Variants in ZNF525 observed in about 807,000 individuals in gnomAD.
ZNF525 encodes the protein zinc finger protein 525.
A neutral mutation model predicts 37.6 loss-of-function variants in ZNF525; 33 were observed. The ratio of observed to expected loss-of-function variants is 0.88; its 90% confidence interval spans 0.67 to 1.17. The LOEUF is 1.17. ZNF525 is among the 50% of genes most tolerant of loss of function. The probability of loss-of-function intolerance (pLI) is 0.00; values close to 1 mark genes in which losing one functional copy is unlikely to be tolerated. For synonymous variants in ZNF525, 170 were observed against 182.3 expected (o/e 0.93, Z 0.54); for missense variants, 449 against 543.1 (o/e 0.83, Z 1.72).
At position 53,382,760 on chromosome 19, in the gene ZNF525, A is replaced by G; in HGVS notation, c.*741A>G. ...GTGTGATAAATGTGACAAATTTTTC[A>G]GACATCGTTCATACCTTGCAGTTCA... On this transcript the variant is annotated 3_prime_UTR_variant, in exon 4 of 4. Coordinates refer to ENST00000474037, the MANE Select transcript of ZNF525 (RefSeq NM_001348156.2). 1 of 924,046 alleles carries G rather than the reference A, an allele frequency of 1.1e-6. No individual in the cohort carries two copies. Among genetic ancestry groups the G allele is most frequent in the Non-Finnish European group, 1.7e-6 (1 of 576,772 alleles). The allele number at this position is 924,046 out of a possible 1,614,324, so 57.2% of individuals were successfully genotyped here.
intron 2 of ZNF525, among the ~76,000 whole-genome samples, chr19:53,372,694 A>G (rs1246607934): frequency 1.3e-5 from 2 of 152,218 alleles, no homozygotes; most frequent in Non-Finnish European, 2.9e-5. Flanking sequence ...GGTAAATTCC[A>G]GAAAAGGAGA....
rs2085588230 is a variant in ZNF525, at chr19:53,384,101, G to T, written c.*2082G>T. 6.5e-6 allele frequency: 3 copies of T among 458,584 alleles called. No homozygotes were observed. In the East Asian group the frequency reaches 1.8e-4, roughly 27 times the overall value. 28.4% of individuals were successfully genotyped at this position (458,584 alleles called of 1,614,324 possible). A position where few individuals can be genotyped will look rare whatever the true frequency, so the allele number is the denominator to read the frequency against. ...TGAATATAGCAAACCATCAAGCATT[G>T]ATTGACATTAGAGTCAGTTCAGCAT... On this transcript the variant is annotated 3_prime_UTR_variant, in exon 4 of 4. Coordinates refer to ENST00000474037, the MANE Select transcript of ZNF525 (RefSeq NM_001348156.2).
At chr19:53,371,818 T>A (rs569197570) in intron 1 of ZNF525, among the ~76,000 whole-genome samples, 1 of 152,088 alleles carries the variant, frequency 6.6e-6, no homozygotes. Flanking sequence ...TGGCTAAGTT[T>A]TTATATTTTT....
chr19:53,383,076 A>C lies in ZNF525; in HGVS notation c.*1057A>C. 7.1e-7 allele frequency: 1 copy of C among 1,411,800 alleles called. No homozygotes were observed. The highest frequency in any genetic ancestry group is 9.9e-7 in the Non-Finnish European group (1 of 1,008,406). 87.5% of individuals were successfully genotyped at this position (1,411,800 alleles called of 1,614,324 possible). A position where few individuals can be genotyped will look rare whatever the true frequency, so the allele number is the denominator to read the frequency against. The stretch of plus-strand genomic sequence containing the variant: ...ACTGGAGAGAACGCTTGCAAGTGTA[A>C]TAAATGTGGCGAGGTTTTTAATCAA... On this transcript the variant is annotated 3_prime_UTR_variant, in exon 4 of 4. Transcript: ENST00000474037.
chr19:53,369,393 A>AT lies in ZNF525; in HGVS notation c.-67-2816dup, dbSNP rs2085469343. On this transcript the variant is annotated intron_variant, in intron 1 of 3. Transcript: ENST00000474037. ...AGGCACCCACCACCATGCCCAGCTA[A>AT]TTTTTTGTATTTTTAGTAGAGACGG... Among the ~76,000 whole-genome samples, 3 of 150,374 alleles carry AT rather than the reference A, an allele frequency of 2.0e-5. No individual in the cohort carries two copies. The South Asian group carries it at 6.3e-4, about 32-fold the overall frequency.
chr19:53,382,657 T>C lies in ZNF525; in HGVS notation c.*638T>C, dbSNP rs1244037715. On this transcript the variant is annotated 3_prime_UTR_variant, in exon 4 of 4. Transcript: ENST00000474037. ...GCAGAGGGAAACTTTACAAATGTAA[T>C]GATTGTCACCACGTCTTCAGTAATG... 8.4e-6 allele frequency: 6 copies of C among 718,560 alleles called. No homozygotes were observed. Among genetic ancestry groups the C allele is most frequent in the Admixed American group, 3.7e-5 (2 of 53,406 alleles). The allele number at this position is 718,560 out of a possible 1,614,324, so 44.5% of individuals were successfully genotyped here. A position where few individuals can be genotyped will look rare whatever the true frequency, so the allele number is the denominator to read the frequency against.
Position 53,381,597 on chromosome 19 carries a change from T to C in ZNF525, c.1018T>C (p.Ser340Pro), listed in dbSNP as rs777974033. ...GTGTGGCAAGACCTTTAGTCAGAAGTCATACCTTGCATGCCATCGTAGCAT... is the reference window on the plus strand; with the variant it reads ...GTGTGGCAAGACCTTTAGTCAGAAGCCATACCTTGCATGCCATCGTAGCAT... Reference protein sequence around the residue: ...NECGKTFSQKSYLACHRSIHT... With the variant: ...NECGKTFSQKPYLACHRSIHT... The change falls in exon 4 of 4, where the codon TCA becomes CCA. Residue 340 changes from serine (S) to proline (P), a missense_variant. Transcript: ENST00000474037. 5 of 1,118,808 alleles carry C rather than the reference T, an allele frequency of 4.5e-6. No homozygotes were observed. The highest frequency in any genetic ancestry group is 1.7e-5 in the Admixed American group (1 of 59,400). 69.3% of individuals were successfully genotyped at this position (1,118,808 alleles called of 1,614,324 possible). A position where few individuals can be genotyped will look rare whatever the true frequency, so the allele number is the denominator to read the frequency against.
Position 53,381,872 on chromosome 19 carries a change from A to G in ZNF525, c.1293A>G (p.Arg431=). 9.9e-7 allele frequency: 1 copy of G among 1,014,082 alleles called. No individual in the cohort carries two copies. Among genetic ancestry groups the G allele is most frequent in the Non-Finnish European group, 1.6e-6 (1 of 631,658 alleles). The allele number at this position is 1,014,082 out of a possible 1,614,324, so 62.8% of individuals were successfully genotyped here. The change falls in exon 4 of 4, where the codon AGA becomes AGG. Residue 431 remains arginine (R), a synonymous_variant. Transcript: ENST00000474037. ...AATCAAGTCTTGAAAGACATAGGAG[A>G]ATTCATAATGGAGAGAAACTGTACA... is the stretch of plus-strand genomic sequence containing the variant. ...RFKSSLERHR[R]IHNGEKLYKC... is the part of the protein sequence containing the mutation.
intron 1 of ZNF525, among the ~76,000 whole-genome samples, chr19:53,369,758 G>GCT (rs2085472639): frequency 3.7e-5 from 4 of 107,066 alleles, no homozygotes; most frequent in South Asian, 3.1e-4. Flanking sequence ...ACGGAGTCTC[G>GCT]CTGTCACCCA....
chr19:53,366,786 G>C (rs562427334), intron 1 of ZNF525, among the ~76,000 whole-genome samples: 4 of 131,560 alleles, frequency 3.0e-5, no homozygotes, highest in African/African-American at 1.2e-4. Flanking sequence ...TGGGGTGCCA[G>C]AGAGTGGGGA....
chr19:53,382,669 C>T lies in ZNF525; in HGVS notation c.*650C>T, dbSNP rs144525056. ...TTTACAAATGTAATGATTGTCACCA[C>T]GTCTTCAGTAATGCTACAACTATTG... On this transcript the variant is annotated 3_prime_UTR_variant, in exon 4 of 4. Coordinates refer to ENST00000474037, the MANE Select transcript of ZNF525 (RefSeq NM_001348156.2). 337 of 724,654 alleles carry T rather than the reference C, an allele frequency of 4.7e-4. No individual in the cohort carries two copies. Among genetic ancestry groups the T allele is most frequent in the East Asian group, 2.5e-3 (90 of 36,182 alleles). The allele number at this position is 724,654 out of a possible 1,614,324, so 44.9% of individuals were successfully genotyped here.
At chr19:53,369,959 C>G (rs60842410) in intron 1 of ZNF525, among the ~76,000 whole-genome samples, 9 of 147,626 alleles carry the variant, frequency 6.1e-5, no homozygotes, top group Admixed American at 6.7e-5. Context: ...CTCCTGACCT[C>G]GTGATCCGCC....
In ZNF525 at chr19:53,381,189, C is replaced by T. The variant is rs1319002293; in HGVS notation, c.610C>T (p.Gln204Ter). ...DNFLNYSLLT[Q>*]RQEVRMREKS... ...TTTTCTGAATTATTCATTACTCACA[C>T]AAAGACAGGAAGTACGCATGAGAGA... The change falls in exon 4 of 4, where the codon CAA (glutamine) becomes TAA (stop). Residue 204 changes from glutamine to a stop codon, truncating the protein, a stop_gained. Transcript: ENST00000474037. LOFTEE classifies it high-confidence loss of function. 2.2e-6 allele frequency: 3 copies of T among 1,354,236 alleles called. No individual in the cohort carries two copies. The highest frequency in any genetic ancestry group is 3.2e-6 in the Non-Finnish European group (3 of 943,324). The allele number at this position is 1,354,236 out of a possible 1,614,324, so 83.9% of individuals were successfully genotyped here.
rs1032628788 is a variant in ZNF525, at chr19:53,378,379, C to T, written c.143-2343C>T. ...GGCTGAGGAAGGAGAATCTTGAACC[C>T]GGGAGGTGGAGGTTGTAGTGAGCCA... is the stretch of plus-strand genomic sequence containing the variant. On this transcript the variant is annotated intron_variant, in intron 3 of 3. Coordinates refer to ENST00000474037, the MANE Select transcript of ZNF525 (RefSeq NM_001348156.2). Among the ~76,000 whole-genome samples, 38 of 152,010 alleles carry T rather than the reference C, an allele frequency of 2.5e-4. 1 individual carries two copies. The highest frequency in any genetic ancestry group is 3.4e-4 in the Non-Finnish European group (23 of 68,008).
In ZNF525 at chr19:53,375,797, A is replaced by G. The variant is rs773686334; in HGVS notation, c.43A>G (p.Ile15Val). 16 of 1,613,844 alleles carry G rather than the reference A, an allele frequency of 9.9e-6. No homozygotes were observed. The South Asian group carries it at 1.5e-4, about 16-fold the overall frequency. ...QGLLTFRDVA[I>V]EFSQEEWKCL... ...TCTATTGACATTCAGGGATGTGGCCATAGAATTCTCTCAGGAGGAGTGGAA... is the reference window on the plus strand; with the variant it reads ...TCTATTGACATTCAGGGATGTGGCCGTAGAATTCTCTCAGGAGGAGTGGAA... Residue 15 changes from isoleucine to valine, a missense_variant, in exon 3 of 4, where the codon ATA becomes GTA. Around this residue, in one of 2 missense-constraint regions of ZNF525, gnomAD observed 271 missense variants for 381.6 expected, o/e 0.71. Transcript: ENST00000474037.
rs537096418 is a variant in ZNF525, at chr19:53,367,255, ACTT to A, written c.-68+1500_-68+1502del. On this transcript the variant is annotated intron_variant, in intron 1 of 3. Coordinates refer to ENST00000474037, the MANE Select transcript of ZNF525 (RefSeq NM_001348156.2). The stretch of plus-strand genomic sequence containing the variant: ...AAGTGAGCTTGCTAGGCAGAGGAAA[ACTT>A]CTTTTCTTTTTAACCCTTGCCTTGC... Among the ~76,000 whole-genome samples the A allele has an allele frequency of 6.0e-3, 915 of 152,184 alleles. 5 individuals are homozygous for A. Among genetic ancestry groups the A allele is most frequent in the Non-Finnish European group, 9.6e-3 (654 of 67,998 alleles).
rs2085593055 is a variant in ZNF525 at position 53,384,710 on chromosome 19, A to C, written c.*2691A>C. ...TTTGGTTGAGTCTGTGATTTTCTAC[A>C]CAGAAGGTCATGTCGTCTACAAACA... On this transcript the variant is annotated 3_prime_UTR_variant, in exon 4 of 4. Transcript: ENST00000474037. The C allele has an allele frequency of 2.6e-6, 1 of 388,222 alleles. No individual in the cohort carries two copies. The highest frequency in any genetic ancestry group is 4.5e-5 in the Admixed American group (1 of 21,986). The allele number at this position is 388,222 out of a possible 1,614,324, so 24.0% of individuals were successfully genotyped here.
rs2085586289 is a variant in ZNF525 at position 53,383,856 on chromosome 19, A to G, written c.*1837A>G. On this transcript the variant is annotated 3_prime_UTR_variant, in exon 4 of 4. Transcript: ENST00000474037. ...GTGGCAAGGTCTTCAGTCAAGCTTC[A>G]TCTTTTGCAAAACAGGAGAATTCAT... The G allele has an allele frequency of 1.7e-6, 1 of 574,278 alleles. No individual in the cohort carries two copies. Among genetic ancestry groups the G allele is most frequent in the South Asian group, 1.5e-5 (1 of 65,994 alleles). The allele number at this position is 574,278 out of a possible 1,614,324, so 35.6% of individuals were successfully genotyped here.
In ZNF525 at chr19:53,383,348, A is replaced by G; in HGVS notation, c.*1329A>G. The G allele has an allele frequency of 7.8e-7, 1 of 1,273,904 alleles. No individual in the cohort carries two copies. The highest frequency in any genetic ancestry group is 1.1e-6 in the Non-Finnish European group (1 of 908,916). The allele number at this position is 1,273,904 out of a possible 1,614,324, so 78.9% of individuals were successfully genotyped here. A position where few individuals can be genotyped will look rare whatever the true frequency, so the allele number is the denominator to read the frequency against. On this transcript the variant is annotated 3_prime_UTR_variant, in exon 4 of 4. Transcript: ENST00000474037. ...ATGAATGTGGCGAGGTTTTCAATCA[A>G]CAAGCACACGTTGCACGTCATCATA... is the stretch of plus-strand genomic sequence containing the variant.
Sources: gnomAD v4.1 joint callset for allele counts (sites outside exome capture counted in the v4.1 genomes callset) on GRCh38, gnomAD v4.1.1 for gene constraint, gnomAD v4.1.1 regional missense constraint, MANE v1.5 for transcripts, NCBI Gene and HGNC (gene_info 2026-07-23, HGNC 2026-07-21) for gene names.